Variants in DOCK9 observed in about 807,000 individuals in gnomAD.
DOCK9 encodes the protein dedicator of cytokinesis 9, also known as dedicator of cytokinesis protein 9.
A neutral mutation model predicts 263.3 loss-of-function variants in DOCK9; 89 were observed. That is an observed-to-expected ratio of 0.34 (90% CI 0.28 to 0.40). The LOEUF (loss-of-function observed/expected upper bound fraction) is 0.40, where lower values mean the gene tolerates loss of function less well. Ranked by LOEUF, DOCK9 falls within the 10% of genes least tolerant of loss-of-function variation. DOCK9 has a pLI of 1.00. For missense variants in DOCK9, 2,140 were observed against 2,603.4 expected, an observed-to-expected ratio of 0.82 and a Z score of 3.87; for synonymous variants, 976 against 973.1, an observed-to-expected ratio of 1.00 and a Z score of -0.06.
rs760069661 is a variant in DOCK9, at chr13:98,881,858, GA to G, written c.2675+33del. Reference sequence around the variant, plus strand: ...CTATGCTCCAGATGTGGACAGACTAGAAGTGAGGAAGAGCATCCATCCACCT... The same window carrying G: ...CTATGCTCCAGATGTGGACAGACTAGAGTGAGGAAGAGCATCCATCCACCT... On this transcript the variant is annotated intron_variant, in intron 24 of 52. Coordinates refer to ENST00000682017, the MANE Select transcript of DOCK9 (RefSeq NM_001366683.2). The G allele has an allele frequency of 1.2e-4, 187 of 1,498,990 alleles. 2 individuals carry two copies. The East Asian group carries it at 4.5e-3, about 36-fold the overall frequency. The allele number at this position is 1,498,990 out of a possible 1,614,324, so 92.9% of individuals were successfully genotyped here.
chr13:98,880,687 G>GA lies in DOCK9; in HGVS notation c.2746-16dup. 2 of 1,611,928 alleles carry GA rather than the reference G, an allele frequency of 1.2e-6. No homozygotes were observed. The highest frequency in any genetic ancestry group is 1.7e-6 in the Non-Finnish European group (2 of 1,178,904). On this transcript the variant is annotated splice_polypyrimidine_tract_variant and intron_variant, in intron 25 of 52. Coordinates refer to ENST00000682017, the MANE Select transcript of DOCK9 (RefSeq NM_001366683.2). ...TTATACGCGTACTTTGAAGAAAAGAGAAAGAGACTTTAATGCACTGGCTCT... is the reference window on the plus strand; with the variant it reads ...TTATACGCGTACTTTGAAGAAAAGAGAAAAGAGACTTTAATGCACTGGCTCT...
chr13:98,931,684 G>C (rs1330650103), intron 2 of DOCK9, among the ~76,000 whole-genome samples: 1 of 152,052 alleles, frequency 6.6e-6, no homozygotes, highest in East Asian at 1.9e-4. Flanking sequence ...TGCAACCTCT[G>C]CCTCCCAAGT....
At chr13:99,069,291 G>T (rs933898295) in intron 1 of DOCK9, among the ~76,000 whole-genome samples, 9 of 152,064 alleles carry the variant, frequency 5.9e-5, no homozygotes, top group Admixed American at 2.6e-4. Context: ...TCTAAGTTTT[G>T]CTTTTTATTT....
chr13:98,854,405 C>CGTGT (rs147677943), intron 34 of DOCK9: 11 of 149,658 alleles, frequency 7.4e-5, no homozygotes, highest in South Asian at 6.4e-4. Flanking sequence ...AAAAATTATG[C>CGTGT]GTGTGTGTGT....
intron 1 of DOCK9, among the ~76,000 whole-genome samples, chr13:98,956,277 T>C (rs1031790055): frequency 6.6e-6 from 1 of 152,192 alleles, no homozygotes; most frequent in African/African-American, 2.4e-5. Flanking sequence ...TTTCCAAAGT[T>C]AGCTCTCTTG....
chr13:99,014,425 G>A (rs916680774), intron 1 of DOCK9, among the ~76,000 whole-genome samples: 9 of 152,196 alleles, frequency 5.9e-5, no homozygotes, highest in African/African-American at 2.2e-4. Flanking sequence ...GATGCCTTGA[G>A]TGATGCTCTC....
intron 33 of DOCK9, chr13:98,856,315 T>C (rs2093705688): frequency 4.0e-6 from 1 of 249,670 alleles, no homozygotes; most frequent in South Asian, 1.1e-4. Context: ...TGTGATAGAA[T>C]GAAGACTTAA....
chr13:99,005,991 CAGAT>C (rs1224142185), intron 1 of DOCK9, among the ~76,000 whole-genome samples: 4 of 152,144 alleles, frequency 2.6e-5, no homozygotes, highest in African/African-American at 9.7e-5. Context: ...TATCTGATCT[CAGAT>C]AGGCAAGAAT....
At chr13:98,970,829 G>A (rs1024489402) in intron 1 of DOCK9, among the ~76,000 whole-genome samples, 10 of 152,062 alleles carry the variant, frequency 6.6e-5, no homozygotes, top group Admixed American at 6.5e-4. Context: ...CTGTAGGCTG[G>A]AGCTAGGCTG....
chr13:98,903,599 C>CAAAAAAAAAAAAAAAAAAACAAAAAAA (rs2048642835), intron 10 of DOCK9, among the ~76,000 whole-genome samples: 1 of 78,544 alleles, frequency 1.3e-5, no homozygotes. Context: ...GACTCTGCCT[C>CAAAAAAAAAAAAAAAAAAACAAAAAAA]AAAAAAAAAA....
At chr13:98,965,980 A>G (rs1253114076) in intron 1 of DOCK9, among the ~76,000 whole-genome samples, 1 of 152,244 alleles carries the variant, frequency 6.6e-6, no homozygotes, top group Non-Finnish European at 1.5e-5. Context: ...ATTTTGTCAA[A>G]TCAATAGCAC....
At chr13:98,862,770 G>A (rs2093910719) in intron 32 of DOCK9, among the ~76,000 whole-genome samples, 1 of 152,122 alleles carries the variant, frequency 6.6e-6, no homozygotes, top group South Asian at 2.1e-4. Context: ...TAGAGGCAGA[G>A]ACTGGCGCGA....
At chr13:98,801,925 C>T (rs769517829) in intron 49 of DOCK9, among the ~76,000 whole-genome samples, 1 of 152,204 alleles carries the variant, frequency 6.6e-6, no homozygotes, top group Admixed American at 6.5e-5. Flanking sequence ...TGCCTTTTCA[C>T]AATGTTTTAT....
rs535543880 is a variant in DOCK9 at position 98,907,834 on chromosome 13, C to T, written c.961-3128G>A. Among the ~76,000 whole-genome samples, 332 of 152,132 alleles carry T rather than the reference C, an allele frequency of 2.2e-3. 4 individuals carry two copies. In the Middle Eastern group the frequency reaches 0.031, roughly 14 times the overall value. ...TGGTTCAGGGGTAGCAGGACTTTGCCCCAGAGTCAGGAAACAGTATCTGGA... is the reference window on the plus strand; with the variant it reads ...TGGTTCAGGGGTAGCAGGACTTTGCTCCAGAGTCAGGAAACAGTATCTGGA... On this transcript the variant is annotated intron_variant, in intron 9 of 52. Transcript: ENST00000682017.
At chr13:98,898,055 T>G in intron 14 of DOCK9, 124 bp downstream of exon 14, 1 of 697,586 alleles carries the variant, frequency 1.4e-6, no homozygotes, top group South Asian at 2.0e-5. Context: ...AATCTGGGCT[T>G]ATGTATTTCT....
chr13:98,863,573 G>C (rs765910457), intron 30 of DOCK9, 25 bp from the exon 31 acceptor site: 2 of 1,574,710 alleles, frequency 1.3e-6, no homozygotes, highest in East Asian at 2.3e-5. Context: ...GAAACTACTT[G>C]AGTTAGGAAA....
At chr13:98,806,372 G>A (rs1367095437) in intron 48 of DOCK9, among the ~76,000 whole-genome samples, 1 of 152,186 alleles carries the variant, frequency 6.6e-6, no homozygotes, top group Non-Finnish European at 1.5e-5. Context: ...AGAAACAAAA[G>A]CTAATTTATT....
intron 45 of DOCK9, among the ~76,000 whole-genome samples, chr13:98,819,822 CCTGGGATAGT>C (rs1362471491): frequency 6.6e-6 from 1 of 152,186 alleles, no homozygotes; most frequent in East Asian, 1.9e-4. Flanking sequence ...GTCTCTATCT[CCTGGGATAGT>C]CTATGGATAT....
chr13:98,935,357 T>G (rs2140388577), intron 2 of DOCK9, among the ~76,000 whole-genome samples: 1 of 152,348 alleles, frequency 6.6e-6, no homozygotes, highest in South Asian at 2.1e-4. Context: ...CTAGAATTCT[T>G]ACTGATCTTG....
Sources: gnomAD v4.1 joint callset for allele counts (sites outside exome capture counted in the v4.1 genomes callset) on GRCh38, gnomAD v4.1.1 for gene constraint, MANE v1.5 for transcripts, NCBI Gene and HGNC (gene_info 2026-07-23, HGNC 2026-07-21) for gene names.